TNR: variants seen among roughly 807,000 people sequenced by gnomAD.
TNR encodes the protein tenascin R, also known as tenascin-R.
In TNR, 45 loss-of-function variants were observed where a neutral mutation model predicts 150.4. That is an observed-to-expected ratio of 0.30 (90% CI 0.24 to 0.38). The LOEUF is 0.38. TNR is among the 10% of genes least tolerant of loss of function. The probability of loss-of-function intolerance (pLI) is 1.00; values close to 1 mark genes in which losing one functional copy is unlikely to be tolerated. For synonymous variants in TNR, 687 were observed against 678.4 expected, an observed-to-expected ratio of 1.01 and a Z score of -0.20; for missense variants, 1,544 against 1,759.1, an observed-to-expected ratio of 0.88 and a Z score of 2.19.
intron 1 of TNR, among the ~76,000 whole-genome samples, chr1:175,616,154 T>G (rs752573851): frequency 2.6e-5 from 4 of 152,180 alleles, no homozygotes; most frequent in Non-Finnish European, 5.9e-5. Context: ...CATGCGACCC[T>G]AAAGGGCATT....
chr1:175,552,916 G>C (rs1571597768), intron 1 of TNR, among the ~76,000 whole-genome samples: 2 of 152,144 alleles, frequency 1.3e-5, no homozygotes, highest in African/African-American at 4.8e-5. Flanking sequence ...TTGACTTCAT[G>C]GTTAGAAGTG....
chr1:175,431,365 C>T (rs905919860), intron 2 of TNR, among the ~76,000 whole-genome samples: 6 of 152,200 alleles, frequency 3.9e-5, no homozygotes, highest in Non-Finnish European at 7.3e-5. Flanking sequence ...CAAGTGCCTA[C>T]CATGTGTAGA....
At chr1:175,341,995 T>C (rs1365253515) in intron 18 of TNR, among the ~76,000 whole-genome samples, 1 of 152,228 alleles carries the variant, frequency 6.6e-6, no homozygotes, top group Non-Finnish European at 1.5e-5. Flanking sequence ...CCACTTGGCT[T>C]TCTCACAGCG....
chr1:175,708,422 G>A (rs972493082), intron 1 of TNR, among the ~76,000 whole-genome samples: 1 of 152,120 alleles, frequency 6.6e-6, no homozygotes, highest in African/African-American at 2.4e-5. Context: ...TGAAAAGTAG[G>A]GTCTGGGTTA....
intron 21 of TNR, among the ~76,000 whole-genome samples, chr1:175,329,194 ATGT>A (rs1000149527): frequency 1.3e-5 from 2 of 152,242 alleles, no homozygotes; most frequent in African/African-American, 4.8e-5. Context: ...AGTCATAAAA[ATGT>A]TGTTAAAATT....
chr1:175,655,028 G>T (rs1665131161), intron 1 of TNR, among the ~76,000 whole-genome samples: 1 of 152,056 alleles, frequency 6.6e-6, no homozygotes, highest in East Asian at 1.9e-4. Context: ...AGCCCAAAAG[G>T]TCCCTTCTAT....
intron 1 of TNR, among the ~76,000 whole-genome samples, chr1:175,605,810 G>T (rs1334702167): frequency 6.6e-6 from 1 of 152,164 alleles, no homozygotes; most frequent in Non-Finnish European, 1.5e-5. Flanking sequence ...AAGCATGACA[G>T]CTTTCTCATC....
At chr1:175,567,045 C>G (rs1281534913) in intron 1 of TNR, among the ~76,000 whole-genome samples, 1 of 152,134 alleles carries the variant, frequency 6.6e-6, no homozygotes, top group Admixed American at 6.5e-5. Context: ...TTTCCCTCAG[C>G]CTGAGTTGCA....
At chr1:175,364,713 C>A (rs899746949) in intron 12 of TNR, among the ~76,000 whole-genome samples, 3 of 152,232 alleles carry the variant, frequency 2.0e-5, no homozygotes, top group Non-Finnish European at 2.9e-5. Context: ...TGGAGACTAG[C>A]TTTCTCCAGT....
At chr1:175,588,373 G>A (rs984539084) in intron 1 of TNR, among the ~76,000 whole-genome samples, 3 of 152,166 alleles carry the variant, frequency 2.0e-5, no homozygotes, top group Non-Finnish European at 4.4e-5. Context: ...TTTACACCTT[G>A]GGCCTTCCTA....
intron 2 of TNR, among the ~76,000 whole-genome samples, chr1:175,434,826 G>T (rs1655425062): frequency 1.3e-5 from 2 of 152,058 alleles, no homozygotes; most frequent in South Asian, 2.1e-4. Context: ...ACAATTCTTG[G>T]TTCCTTACTT....
chr1:175,444,504 G>A (rs1239141992), intron 2 of TNR, among the ~76,000 whole-genome samples: 1 of 152,166 alleles, frequency 6.6e-6, no homozygotes, highest in Non-Finnish European at 1.5e-5. Context: ...CTGAGCCCTG[G>A]TTCCTACAAA....
intron 18 of TNR, among the ~76,000 whole-genome samples, chr1:175,345,196 A>C (rs1650722170): frequency 6.6e-6 from 1 of 152,170 alleles, no homozygotes; most frequent in African/African-American, 2.4e-5. Context: ...GCTTGGAAGA[A>C]AGTTTTGAAA....
intron 1 of TNR, among the ~76,000 whole-genome samples, chr1:175,537,120 C>A (rs955018493): frequency 6.6e-6 from 1 of 152,154 alleles, no homozygotes; most frequent in Non-Finnish European, 1.5e-5. Flanking sequence ...AAGTGATCAC[C>A]AAACCTGGAA....
chr1:175,386,484 G>A (rs1652939031), intron 7 of TNR, among the ~76,000 whole-genome samples, 183 bp from the exon 8 acceptor site: 1 of 152,286 alleles, frequency 6.6e-6, no homozygotes, highest in Non-Finnish European at 1.5e-5. Context: ...AGGACATGTA[G>A]TTTGCCTTGA....
chr1:175,623,208 A>G lies in TNR; in HGVS notation c.-164-94839T>C, dbSNP rs1274701945. ...GGTTGATCATAAACTCTGTGTATAC[A>G]AAGACATCATCTGCCAAATTCACCA... is the stretch of plus-strand genomic sequence containing the variant. On this transcript the variant is annotated intron_variant, in intron 1 of 22. Coordinates refer to ENST00000367674, the MANE Select transcript of TNR (RefSeq NM_003285.3). Among the ~76,000 whole-genome samples, 3 of 152,332 alleles carry G rather than the reference A, an allele frequency of 2.0e-5. No homozygotes were observed. The South Asian group carries it at 6.2e-4, about 32-fold the overall frequency.
At chr1:175,554,945 A>G (rs1484208912) in intron 1 of TNR, among the ~76,000 whole-genome samples, 1 of 152,220 alleles carries the variant, frequency 6.6e-6, no homozygotes, top group Non-Finnish European at 1.5e-5. Flanking sequence ...GTCATCCAGC[A>G]GTCGGGAAGG....
rs1197855307 is a variant in TNR, at chr1:175,717,930, A to C, written c.-165+25296T>G. Reference sequence around the variant, plus strand: ...ATCGAGAAAGCCAGCTTCCCCCAGCAAGTGCTCTCAGAACCAGCACTCCAG... The same window carrying C: ...ATCGAGAAAGCCAGCTTCCCCCAGCCAGTGCTCTCAGAACCAGCACTCCAG... On this transcript the variant is annotated intron_variant, in intron 1 of 22. Coordinates refer to ENST00000367674, the MANE Select transcript of TNR (RefSeq NM_003285.3). Among the ~76,000 whole-genome samples the C allele has an allele frequency of 1.3e-5, 2 of 152,168 alleles. 1 individual carries two copies.
chr1:175,615,412 G>C (rs1252554889), intron 1 of TNR, among the ~76,000 whole-genome samples: 7 of 152,206 alleles, frequency 4.6e-5, no homozygotes, highest in African/African-American at 9.7e-5. Context: ...GGGAGAGGAG[G>C]GATCAGGCTT....
Sources: allele counts gnomAD v4.1 joint callset (sites outside exome capture counted in the v4.1 genomes callset), GRCh38; gene constraint gnomAD v4.1.1; transcripts MANE v1.5; gene names NCBI Gene and HGNC (gene_info 2026-07-23, HGNC 2026-07-21).